Variants in MAML3 observed in about 807,000 individuals in gnomAD.
MAML3 encodes the protein mastermind like transcriptional coactivator 3.
In MAML3, 27 loss-of-function variants were observed where a neutral mutation model predicts 101.9. That is an observed-to-expected ratio of 0.27 (90% CI 0.20 to 0.37). The LOEUF is 0.37. MAML3 is among the 10% of genes least tolerant of loss of function. MAML3 has a pLI of 1.00. For missense variants in MAML3, 1,316 were observed against 1,444.9 expected (o/e 0.91, Z 1.45); for synonymous variants, 501 against 555.9 (o/e 0.90, Z 1.39).
intron 1 of MAML3, among the ~76,000 whole-genome samples, chr4:140,097,132 T>C (rs1361089894): frequency 6.6e-6 from 1 of 152,108 alleles, no homozygotes; most frequent in Admixed American, 6.5e-5. Flanking sequence ...CAGGAAACAC[T>C]ATCTGCCAGA....
chr4:139,810,297 A>C (rs1377417860), intron 2 of MAML3, among the ~76,000 whole-genome samples: 1 of 148,704 alleles, frequency 6.7e-6, no homozygotes, highest in East Asian at 2.0e-4. Flanking sequence ...GGCTCAAGTG[A>C]TACTCTGGCC....
chr4:139,991,324 G>A (rs1442048093), intron 1 of MAML3, among the ~76,000 whole-genome samples: 16 of 152,250 alleles, frequency 1.1e-4, no homozygotes, highest in East Asian at 7.7e-4. Context: ...TTTAATAAAC[G>A]GTGCTGGGAA....
At chr4:140,128,379 T>G (rs2111035479) in intron 1 of MAML3, among the ~76,000 whole-genome samples, 1 of 152,246 alleles carries the variant, frequency 6.6e-6, no homozygotes, top group Middle Eastern at 3.4e-3. Flanking sequence ...CCTGCAGGGC[T>G]AAAAATCAAC....
intron 2 of MAML3, among the ~76,000 whole-genome samples, chr4:139,761,307 A>G (rs1179549176): frequency 1.3e-5 from 2 of 152,212 alleles, no homozygotes; most frequent in East Asian, 3.8e-4. Flanking sequence ...GTTTAACAAA[A>G]GGGAAAACTT....
intron 2 of MAML3, among the ~76,000 whole-genome samples, chr4:139,777,786 C>A (rs1730119739): frequency 6.6e-6 from 1 of 152,242 alleles, no homozygotes; most frequent in Admixed American, 6.5e-5. Flanking sequence ...CACTTTTGAC[C>A]ATGGTCTTCC....
At chr4:139,800,216 G>A (rs1009052452) in intron 2 of MAML3, among the ~76,000 whole-genome samples, 2 of 152,096 alleles carry the variant, frequency 1.3e-5, no homozygotes, top group South Asian at 2.1e-4. Flanking sequence ...CCTGGTAAAC[G>A]TTGATGAATG....
At chr4:140,105,152 C>G (rs1365452006) in intron 1 of MAML3, among the ~76,000 whole-genome samples, 2 of 152,122 alleles carry the variant, frequency 1.3e-5, no homozygotes, top group African/African-American at 2.4e-5. Flanking sequence ...AAAGCCACCA[C>G]CCCCATCATG....
chr4:139,890,768 A>C lies in MAML3; in HGVS notation c.668T>G (p.Leu223Arg), dbSNP rs1265734429. 1 of 1,613,930 alleles carries C rather than the reference A, an allele frequency of 6.2e-7. No homozygotes were observed. Among genetic ancestry groups the C allele is most frequent in the East Asian group, 2.2e-5 (1 of 44,902 alleles). ...PSASPLHQLD[L>R]KPSLPLQNSG... ...GTTCTGCAAGGGCAAAGAAGGTTTC[A>C]GGTCAAGTTGGTGAAGAGGAGAAGC... Residue 223 changes from leucine to arginine, a missense_variant, in exon 2 of 5, where the codon CTG becomes CGG. Coordinates refer to ENST00000509479, the MANE Select transcript of MAML3 (RefSeq NM_018717.5). The surrounding 1 kb of genome is among the most constrained non-coding windows in gnomAD (Gnocchi z 4.1).
intron 2 of MAML3, among the ~76,000 whole-genome samples, chr4:139,824,639 T>C (rs1716219728): frequency 6.6e-6 from 1 of 152,234 alleles, no homozygotes; most frequent in Non-Finnish European, 1.5e-5. Flanking sequence ...AATATTCATA[T>C]TGCCAATTTG....
intron 2 of MAML3, among the ~76,000 whole-genome samples, chr4:139,774,703 T>C (rs992517647): frequency 3.3e-5 from 5 of 152,200 alleles, no homozygotes; most frequent in Admixed American, 1.3e-4. Context: ...TAAGAACTAA[T>C]AGAAGATTTA....
intron 2 of MAML3, among the ~76,000 whole-genome samples, chr4:139,852,616 T>C (rs4863516): frequency 0.28 from 42,699 of 151,832 alleles, 7,149 homozygotes; most frequent in East Asian, 0.68. Flanking sequence ...GGTTTCACCA[T>C]GTTGGCCAGG....
intron 2 of MAML3, among the ~76,000 whole-genome samples, chr4:139,768,225 TGTGTGTGTGTG>T (rs1560788294): frequency 1.1e-5 from 1 of 90,904 alleles, no homozygotes; most frequent in East Asian, 2.5e-4. Flanking sequence ...TTGATAGTTG[TGTGTGTGTGTG>T]TGTGTGTGTG....
intron 2 of MAML3, among the ~76,000 whole-genome samples, chr4:139,786,383 G>A (rs567548033): frequency 6.6e-6 from 1 of 152,176 alleles, no homozygotes; most frequent in South Asian, 2.1e-4. Context: ...CGGTATTTGG[G>A]GGATTGATTT....
chr4:139,988,149 A>G (rs1167528700), intron 1 of MAML3, among the ~76,000 whole-genome samples: 1 of 151,684 alleles, frequency 6.6e-6, no homozygotes, highest in Non-Finnish European at 1.5e-5. Flanking sequence ...CAACATGGCG[A>G]AACCCCATCT....
At chr4:139,952,302 G>C (rs1003762788) in intron 1 of MAML3, among the ~76,000 whole-genome samples, 3 of 152,140 alleles carry the variant, frequency 2.0e-5, no homozygotes, top group Non-Finnish European at 2.9e-5. Context: ...TATTTAGTTC[G>C]AGGTGGTTCA....
chr4:140,132,563 G>C (rs1360245532), intron 1 of MAML3, among the ~76,000 whole-genome samples: 2 of 152,190 alleles, frequency 1.3e-5, no homozygotes, highest in Non-Finnish European at 2.9e-5. Context: ...CCCATGTCAG[G>C]GCTGTTTGAA....
chr4:140,137,849 G>A (rs1161522143), intron 1 of MAML3, among the ~76,000 whole-genome samples: 1 of 152,128 alleles, frequency 6.6e-6, no homozygotes, highest in East Asian at 1.9e-4. Context: ...AGATAAACAC[G>A]AACCCTACCA....
intron 1 of MAML3, among the ~76,000 whole-genome samples, chr4:140,099,431 C>T (rs187275893): frequency 9.9e-5 from 15 of 152,220 alleles, no homozygotes; most frequent in Admixed American, 2.6e-4. Context: ...CAGGGTCTCA[C>T]TCTGCCACCC....
chr4:139,840,849 C>A (rs1731348665), intron 2 of MAML3, among the ~76,000 whole-genome samples: 1 of 152,174 alleles, frequency 6.6e-6, no homozygotes, highest in Admixed American at 6.5e-5. Flanking sequence ...AGAACCTTCT[C>A]AATTGCCGTG....
Sources: allele counts gnomAD v4.1 joint callset (sites outside exome capture counted in the v4.1 genomes callset), GRCh38; gene constraint gnomAD v4.1.1; non-coding constraint Gnocchi (gnomAD v3.1); transcripts MANE v1.5; gene names NCBI Gene and HGNC (gene_info 2026-07-23, HGNC 2026-07-21).